HHIPL1: variants seen among roughly 807,000 people sequenced by gnomAD.
The protein encoded by HHIPL1 is HHIP-like protein 1.
Under a neutral mutation model 61.8 loss-of-function variants are expected in HHIPL1, and 43 were observed. The ratio of observed to expected loss-of-function variants is 0.70; its 90% CI spans 0.55 to 0.90. HHIPL1 has a LOEUF of 0.90. Ranked by LOEUF, HHIPL1 falls within the 40% of genes least tolerant of loss-of-function variation. HHIPL1 has a pLI of 0.00. For synonymous variants in HHIPL1, 482 were observed against 515.8 expected (o/e 0.93, Z 0.89); for missense variants, 1,056 against 1,157.7 (o/e 0.91, Z 1.28).
chr14:99,608,296 G>T, the HHIPL1 span, among the ~76,000 whole-genome samples: 1 of 152,128 alleles, frequency 6.6e-6, no homozygotes, highest in Non-Finnish European at 1.5e-5. Context: ...AATAATAATG[G>T]CAATGACAAT....
chr14:99,631,050 TTCTTTCTTTC>T, the HHIPL1 span, among the ~76,000 whole-genome samples: 3 of 38,742 alleles, frequency 7.7e-5, no homozygotes, highest in Admixed American at 2.0e-4. Context: ...TGGCTCCATT[TTCTTTCTTTC>T]TTTCTTTCTT....
At chr14:99,643,782 C>T (rs1227588544), upstream of HHIPL1, among the ~76,000 whole-genome samples, 1 of 152,102 alleles carries the variant, frequency 6.6e-6, no homozygotes, top group African/African-American at 2.4e-5. Context: ...AGGGAGAAGC[C>T]GGGGTATTTC....
chr14:99,669,013 T>C lies in HHIPL1; in HGVS notation c.1730+710T>C, dbSNP rs979731251. The C allele has an allele frequency of 5.9e-6, 9 of 1,521,494 alleles. No individual in the cohort carries two copies. The East Asian group carries it at 1.2e-4, about 21-fold the overall frequency. The allele number at this position is 1,521,494 out of a possible 1,614,324, so 94.2% of individuals were successfully genotyped here. On this transcript the variant is annotated intron_variant, in intron 7 of 8. Coordinates refer to ENST00000330710, the MANE Select transcript of HHIPL1 (RefSeq NM_001127258.3). ...GGCTCCAGAGCCCTGCCCTAACCCC[T>C]TGGCTGTGTGCCTTCACCTCACCCT...
chr14:99,643,060 A>C (rs372858854), upstream of HHIPL1, among the ~76,000 whole-genome samples: 6 of 150,624 alleles, frequency 4.0e-5, no homozygotes, highest in African/African-American at 1.5e-4. Context: ...TTCTTTTTTG[A>C]GACAGAGTCT....
In HHIPL1 at chr14:99,652,558, T is replaced by G; in HGVS notation, c.590T>G (p.Val197Gly). Reference sequence around the variant, plus strand: ...GTGGCCAACGGGCTGCGCAACCCCGTGGCCATGGTCCATGCCAGGGATGGC... The same window carrying G: ...GTGGCCAACGGGCTGCGCAACCCCGGGGCCATGGTCCATGCCAGGGATGGC... ...EEVANGLRNP[V>G]AMVHARDGTH... Residue 197 changes from valine (V) to glycine (G), a missense_variant, in exon 2 of 9, where the codon GTG becomes GGG. Coordinates refer to ENST00000330710, the MANE Select transcript of HHIPL1 (RefSeq NM_001127258.3). 1 of 1,613,128 alleles carries G rather than the reference T, an allele frequency of 6.2e-7. No homozygotes were observed. The highest frequency in any genetic ancestry group is 8.5e-7 in the Non-Finnish European group (1 of 1,179,962).
the HHIPL1 span, among the ~76,000 whole-genome samples, chr14:99,639,636 C>G: frequency 6.6e-6 from 1 of 152,048 alleles, no homozygotes; most frequent in Non-Finnish European, 1.5e-5. Flanking sequence ...CATGAGCCAC[C>G]ATACCAGGTA....
chr14:99,639,822 C>T, the HHIPL1 span, among the ~76,000 whole-genome samples: 14 of 149,730 alleles, frequency 9.4e-5, no homozygotes, highest in African/African-American at 2.0e-4. Flanking sequence ...CTACCACGCC[C>T]GGCTAATTTT....
rs1473188351 is a variant in HHIPL1 at position 99,679,661 on chromosome 14, AG to A, written c.*4037del. 1 of 152,248 alleles carries A rather than the reference AG, an allele frequency of 6.6e-6. No homozygotes were observed. Among genetic ancestry groups the A allele is most frequent in the Non-Finnish European group, 1.5e-5 (1 of 68,056 alleles). The allele number at this position is 152,248 out of a possible 1,614,324, so 9.4% of individuals were successfully genotyped here. A position where few individuals can be genotyped will look rare whatever the true frequency, so the allele number is the denominator to read the frequency against. On this transcript the variant is annotated 3_prime_UTR_variant, in exon 9 of 9. Coordinates refer to ENST00000330710, the MANE Select transcript of HHIPL1 (RefSeq NM_001127258.3). ...CTCTCTGAGTCTCATTGCAAAATAG[AG>A]GTCACCAGAAGGATTACTGGATGAA...
chr14:99,623,168 C>A, the HHIPL1 span, among the ~76,000 whole-genome samples: 2 of 152,206 alleles, frequency 1.3e-5, no homozygotes, highest in Non-Finnish European at 2.9e-5. Context: ...TCCCCACAGC[C>A]CTGCCAGCTC....
At chr14:99,605,158 G>A in the HHIPL1 span, among the ~76,000 whole-genome samples, 1 of 152,204 alleles carries the variant, frequency 6.6e-6, no homozygotes, top group Non-Finnish European at 1.5e-5. Flanking sequence ...CTGGGATTCG[G>A]GAGATAATCT....
Position 99,668,212 on chromosome 14 carries a change from C to T in HHIPL1, c.1649-10C>T. 6.3e-7 allele frequency: 1 copy of T among 1,583,672 alleles called. No homozygotes were observed. Among genetic ancestry groups the T allele is most frequent in the Non-Finnish European group, 8.7e-7 (1 of 1,152,322 alleles). On this transcript the variant is annotated splice_polypyrimidine_tract_variant and intron_variant, in intron 6 of 8. Coordinates refer to ENST00000330710, the MANE Select transcript of HHIPL1 (RefSeq NM_001127258.3). The surrounding 1 kb of genome is among the most constrained non-coding windows in gnomAD (Gnocchi z 4.7). ...TGGGGGTCTCACTAGTCACTTTGTTCTGTCCAAAGGGGAGCTGTACTTCAT... is the reference window on the plus strand; with the variant it reads ...TGGGGGTCTCACTAGTCACTTTGTTTTGTCCAAAGGGGAGCTGTACTTCAT...
chr14:99,637,185 AATGGAAGAAAGAAAGG>A, the HHIPL1 span, among the ~76,000 whole-genome samples: 1 of 109,732 alleles, frequency 9.1e-6, no homozygotes, highest in East Asian at 3.1e-4. Flanking sequence ...AGAAAGAAAG[AATGGAAGAAAGAAAGG>A]AAGAAAGAAA....
upstream of HHIPL1, among the ~76,000 whole-genome samples, chr14:99,643,045 T>C (rs1417676127): frequency 6.6e-6 from 1 of 152,022 alleles, no homozygotes; most frequent in Non-Finnish European, 1.5e-5. Context: ...GACTGACTTT[T>C]TTTTTTCTTT....
chr14:99,637,049 AGG>A, the HHIPL1 span, among the ~76,000 whole-genome samples: 2,774 of 94,108 alleles, frequency 0.029, 125 homozygotes, highest in Non-Finnish European at 0.037. Context: ...GAAAGAAAGA[AGG>A]AAGGAAGGAA....
At chr14:99,667,357 G>A (rs2056262383) in intron 6 of HHIPL1, among the ~76,000 whole-genome samples, 1 of 151,322 alleles carries the variant, frequency 6.6e-6, no homozygotes, top group Non-Finnish European at 1.5e-5. Context: ...TAGGAATAAT[G>A]CAGCCTATTT....
upstream of HHIPL1, among the ~76,000 whole-genome samples, chr14:99,640,450 A>G (rs563959102): frequency 7.1e-6 from 1 of 141,644 alleles, no homozygotes; most frequent in African/African-American, 2.5e-5. Flanking sequence ...ACGCCAAGCT[A>G]ATTTTTGTAT....
chr14:99,605,892 G>A, the HHIPL1 span, among the ~76,000 whole-genome samples: 2 of 152,338 alleles, frequency 1.3e-5, no homozygotes, highest in South Asian at 4.1e-4. Context: ...GGGGCTGGGG[G>A]TGGGCCAGGG....
chr14:99,611,930 A>G, the HHIPL1 span, among the ~76,000 whole-genome samples: 24 of 152,120 alleles, frequency 1.6e-4, no homozygotes, highest in Non-Finnish European at 2.1e-4. Context: ...CTCCTGCCAG[A>G]AGGATATGGG....
upstream of HHIPL1, among the ~76,000 whole-genome samples, chr14:99,642,224 G>A (rs2055761205): frequency 6.6e-6 from 1 of 152,234 alleles, no homozygotes; most frequent in South Asian, 2.1e-4. Context: ...ACAGGCATGA[G>A]CCACTGTGCC....
Sources: gnomAD v4.1 joint callset for allele counts (sites outside exome capture counted in the v4.1 genomes callset) on GRCh38, gnomAD v4.1.1 for gene constraint, Gnocchi (gnomAD v3.1) non-coding constraint, MANE v1.5 for transcripts, NCBI Gene and HGNC (gene_info 2026-07-23, HGNC 2026-07-21) for gene names.